MED12L: variants seen among roughly 807,000 people sequenced by gnomAD.
The protein encoded by MED12L is mediator complex subunit 12L.
In MED12L, 60 loss-of-function variants were observed where a neutral mutation model predicts 281.3. The observed-to-expected ratio is 0.21, with a 90% CI of 0.17 to 0.26. The LOEUF (loss-of-function observed/expected upper bound fraction) is 0.26, where lower values mean the gene tolerates loss of function less well. Ranked by LOEUF, MED12L falls within the 10% of genes least tolerant of loss-of-function variation. The pLI is 1.00. For synonymous variants in MED12L, 974 were observed against 987.2 expected, an observed-to-expected ratio of 0.99 and a Z score of 0.25; for missense variants, 2,146 against 2,680.9, an observed-to-expected ratio of 0.80 and a Z score of 4.41.
chr3:151,098,625 T>TA (rs1267998342), intron 2 of MED12L, among the ~76,000 whole-genome samples: 5 of 152,220 alleles, frequency 3.3e-5, no homozygotes, highest in African/African-American at 7.2e-5. Flanking sequence ...GTGTCTCTTA[T>TA]AAGGACACTT....
chr3:151,286,385 T>C (rs538584611), intron 16 of MED12L, among the ~76,000 whole-genome samples: 1 of 152,230 alleles, frequency 6.6e-6, no homozygotes, highest in Non-Finnish European at 1.5e-5. Flanking sequence ...ATTTATTCCT[T>C]CTGCAAGCAA....
chr3:151,421,406 T>G (rs201965228), intron 43 of MED12L, among the ~76,000 whole-genome samples: 1,909 of 151,926 alleles, frequency 0.013, 48 homozygotes, highest in African/African-American at 0.041. Context: ...GTGTTTTTTT[T>G]TTTTGTTTTG....
intron 11 of MED12L, among the ~76,000 whole-genome samples, chr3:151,182,280 C>T (rs562640242): frequency 3.3e-5 from 5 of 150,462 alleles, no homozygotes; most frequent in African/African-American, 1.0e-4. Context: ...CCAGTATTTG[C>T]CCTAAATTAG....
At chr3:151,224,629 AATC>A (rs1173530241) in intron 16 of MED12L, among the ~76,000 whole-genome samples, 1 of 152,024 alleles carries the variant, frequency 6.6e-6, no homozygotes, top group Non-Finnish European at 1.5e-5. Context: ...AGTCAAGGAG[AATC>A]TCACTTTCTT....
chr3:151,335,777 A>C (rs1577359145), intron 16 of MED12L, among the ~76,000 whole-genome samples: 2 of 152,204 alleles, frequency 1.3e-5, no homozygotes, highest in Non-Finnish European at 2.9e-5. Context: ...AAGGTCTCTG[A>C]ATAAAGATAT....
At chr3:151,127,713 G>T in intron 4 of MED12L, 112 bp from the exon 5 acceptor site, 1 of 719,920 alleles carries the variant, frequency 1.4e-6, no homozygotes, top group Non-Finnish European at 2.2e-6. Context: ...TACTTTCTTA[G>T]GGCCAGCAGG....
intron 16 of MED12L, among the ~76,000 whole-genome samples, chr3:151,205,171 A>T (rs1021281322): frequency 1.3e-5 from 2 of 152,174 alleles, no homozygotes; most frequent in African/African-American, 4.8e-5. Flanking sequence ...ACTGAGGACA[A>T]GTGTTTGTGA....
chr3:151,137,356 T>C (rs369842971), intron 5 of MED12L, among the ~76,000 whole-genome samples: 13 of 152,308 alleles, frequency 8.5e-5, no homozygotes, highest in African/African-American at 2.9e-4. Context: ...CCATTTGTCA[T>C]GGGACATCTC....
At chr3:151,228,082 CTCA>C (rs1396278485) in intron 16 of MED12L, among the ~76,000 whole-genome samples, 1 of 152,132 alleles carries the variant, frequency 6.6e-6, no homozygotes, top group East Asian at 1.9e-4. Context: ...AATTGAATAA[CTCA>C]TCAGCAGTAA....
intron 5 of MED12L, among the ~76,000 whole-genome samples, chr3:151,151,457 TTA>T (rs1412427548): frequency 6.6e-6 from 1 of 152,144 alleles, no homozygotes; most frequent in Non-Finnish European, 1.5e-5. Flanking sequence ...CTCGCTGAGC[TTA>T]ATCATTTCTA....
Position 151,221,754 on chromosome 3 carries a change from C to T in MED12L, c.2250+28088C>T, listed in dbSNP as rs187790790. On this transcript the variant is annotated intron_variant, in intron 16 of 44. Transcript: ENST00000687756. ...GCAGAAGTTTGCTGCAGGGGCAGGGCTCTCATGGAGAACCTCTGCTAGGGC... is the reference window on the plus strand; with the variant it reads ...GCAGAAGTTTGCTGCAGGGGCAGGGTTCTCATGGAGAACCTCTGCTAGGGC... Among the ~76,000 whole-genome samples, 136 of 152,336 alleles carry T rather than the reference C, an allele frequency of 8.9e-4. 1 individual carries two copies. Among genetic ancestry groups the T allele is most frequent in the Admixed American group, 1.1e-3 (17 of 15,306 alleles).
intron 2 of MED12L, among the ~76,000 whole-genome samples, chr3:151,098,723 C>T (rs1485508619): frequency 6.6e-6 from 1 of 150,934 alleles, no homozygotes; most frequent in Non-Finnish European, 1.5e-5. Flanking sequence ...AATGAGGTCA[C>T]ATTAACAGGT....
chr3:151,348,956 A>C (rs1752905122), intron 16 of MED12L, among the ~76,000 whole-genome samples: 1 of 152,220 alleles, frequency 6.6e-6, no homozygotes, highest in African/African-American at 2.4e-5. Context: ...CTCTGTGAGG[A>C]ATTCTTTTCT....
At position 151,383,814 on chromosome 3, in the gene MED12L, C is replaced by T. The variant is rs1712841220; in HGVS notation, c.4716C>T (p.Thr1572=). 1.2e-6 allele frequency: 2 copies of T among 1,613,846 alleles called. No homozygotes were observed. Among genetic ancestry groups the T allele is most frequent in the Non-Finnish European group, 1.7e-6 (2 of 1,179,878 alleles). ...TGTTTGACACGGTGCAGAGGAGCAC[C>T]CAGTGGACTACAGACTGGGCCCTGC... ...GGMFDTVQRS[T]QWTTDWALLL... The change falls in exon 34 of 45, where the codon ACC becomes ACT. Residue 1572 remains threonine (T), a synonymous_variant. Transcript: ENST00000687756.
intron 16 of MED12L, among the ~76,000 whole-genome samples, chr3:151,216,230 C>A (rs1728191825): frequency 6.6e-6 from 1 of 152,144 alleles, no homozygotes; most frequent in African/African-American, 2.4e-5. Context: ...TCTGGGAATA[C>A]AAGGCATGAA....
rs148131527 is a variant in MED12L at position 151,247,955 on chromosome 3, T to C, written c.2250+54289T>C. Among the ~76,000 whole-genome samples, 370 of 103,428 alleles carry C rather than the reference T, an allele frequency of 3.6e-3. 6 individuals carry two copies. In the East Asian group the frequency reaches 0.045, roughly 12 times the overall value. 67.9% of individuals were successfully genotyped at this position (103,428 alleles called of 152,430 possible). On this transcript the variant is annotated intron_variant, in intron 16 of 44. Transcript: ENST00000687756. The stretch of plus-strand genomic sequence containing the variant: ...TTCTTTTGTTTACTTTCTTTCTTCT[T>C]CTTCTTCTTTTTTTTTTTTTTTTTT...
chr3:151,294,619 A>T, intron 16 of MED12L: 1 of 1,614,202 alleles, frequency 6.2e-7, no homozygotes, highest in Non-Finnish European at 8.5e-7. Context: ...AGCTGTTCAC[A>T]TAGGTGACTG....
rs143223563 is a variant in MED12L, at chr3:151,159,918, T to C, written c.924T>C (p.Asp308=). The change falls in exon 8 of 45, where the codon GAT becomes GAC. Residue 308 remains aspartate, a synonymous_variant. Transcript: ENST00000687756. ...GGCGTCTTTCCTTGCTGCTGAGCGA[T>C]AGCCCCAACCTCCTTGCTGCCCACT... ...CARRLSLLLS[D]SPNLLAAHSP... 3 of 1,614,112 alleles carry C rather than the reference T, an allele frequency of 1.9e-6. No individual in the cohort carries two copies. In the African/African-American group the frequency reaches 4.0e-5, roughly 22 times the overall value.
chr3:151,277,825 A>C (rs1415657308), intron 16 of MED12L, among the ~76,000 whole-genome samples: 5 of 152,234 alleles, frequency 3.3e-5, no homozygotes, highest in Non-Finnish European at 4.4e-5. Context: ...AAAAACTTTT[A>C]CCTATATAAG....
Sources: gnomAD v4.1 joint callset for allele counts (sites outside exome capture counted in the v4.1 genomes callset) on GRCh38, gnomAD v4.1.1 for gene constraint, MANE v1.5 for transcripts, NCBI Gene and HGNC (gene_info 2026-07-23, HGNC 2026-07-21) for gene names.